Variants in INSC observed in about 807,000 individuals in gnomAD.
The protein encoded by INSC is INSC spindle orientation adaptor protein, also known as protein inscuteable homolog.
In INSC, 67 loss-of-function variants were observed where a neutral mutation model predicts 58.6. That is an observed-to-expected ratio of 1.14 (90% CI 0.94 to 1.40). INSC has a LOEUF of 1.40. INSC is among the 40% of genes most tolerant of loss of function. The probability of loss-of-function intolerance (pLI) is 0.00; values close to 1 mark genes in which losing one functional copy is unlikely to be tolerated. For synonymous variants in INSC, 262 were observed against 276.1 expected, an observed-to-expected ratio of 0.95 and a Z score of 0.51; for missense variants, 714 against 692.0, an observed-to-expected ratio of 1.03 and a Z score of -0.36.
At chr11:15,243,608 G>A (rs1852443185) in intron 12 of INSC, among the ~76,000 whole-genome samples, 1 of 152,114 alleles carries the variant, frequency 6.6e-6, no homozygotes, top group Admixed American at 6.5e-5. Flanking sequence ...TTCATGTCCT[G>A]TAGACTTTCT....
intron 5 of INSC, among the ~76,000 whole-genome samples, chr11:15,178,659 T>A (rs181097874): frequency 2.0e-5 from 3 of 152,292 alleles, no homozygotes; most frequent in East Asian, 3.9e-4. Flanking sequence ...CAACTCTGCA[T>A]TTTCCAGATG....
chr11:15,148,144 C>A (rs1000469458), intron 1 of INSC, among the ~76,000 whole-genome samples: 11 of 152,188 alleles, frequency 7.2e-5, no homozygotes, highest in African/African-American at 2.4e-5. Context: ...CCAGTTGCAT[C>A]CTCAGTGCTG....
At chr11:15,168,680 G>A (rs148795749) in intron 2 of INSC, among the ~76,000 whole-genome samples, 1 of 152,212 alleles carries the variant, frequency 6.6e-6, no homozygotes, top group African/African-American at 2.4e-5. Context: ...CTATTTTGTG[G>A]ATGAAGAAAT....
chr11:15,199,859 G>A (rs1327028274), intron 6 of INSC, among the ~76,000 whole-genome samples: 1 of 152,154 alleles, frequency 6.6e-6, no homozygotes, highest in Non-Finnish European at 1.5e-5. Context: ...TCCAATTCCT[G>A]CCACTCTAAA....
At chr11:15,123,103 C>A (rs1847912823) in intron 1 of INSC, among the ~76,000 whole-genome samples, 1 of 152,116 alleles carries the variant, frequency 6.6e-6, no homozygotes, top group Admixed American at 6.5e-5. Context: ...ATTTGCTGTT[C>A]CTCTGCTTAG....
Position 15,165,212 on chromosome 11 carries a change from A to G in INSC, c.57-10529A>G, listed in dbSNP as rs184057018. 2.7e-3 allele frequency among the ~76,000 whole-genome samples: 404 copies of G among 152,224 alleles called. 3 individuals are homozygous for G. Among genetic ancestry groups the G allele is most frequent in the African/African-American group, 8.7e-3 (360 of 41,536 alleles). ...AGTTTTCATGTGGGGGTTTGAAGAG[A>G]TTGGAAAAATATGCGCCACCACTGC... On this transcript the variant is annotated intron_variant, in intron 2 of 12. Coordinates refer to ENST00000379556, the MANE Select transcript of INSC (RefSeq NM_001042536.3).
intron 2 of INSC, among the ~76,000 whole-genome samples, chr11:15,157,741 T>A (rs1455033118): frequency 1.3e-5 from 2 of 152,160 alleles, no homozygotes; most frequent in Admixed American, 6.5e-5. Context: ...GGGCACTTAT[T>A]ATGTGGCGGC....
At chr11:15,217,446 G>A (rs886151372) in intron 7 of INSC, among the ~76,000 whole-genome samples, 2 of 152,158 alleles carry the variant, frequency 1.3e-5, no homozygotes, top group African/African-American at 4.8e-5. Flanking sequence ...GATAGAGGCA[G>A]GATTCAGACG....
At chr11:15,258,862 A>G in the INSC span, among the ~76,000 whole-genome samples, 15 of 152,216 alleles carry the variant, frequency 9.9e-5, no homozygotes, top group Middle Eastern at 3.4e-3. Flanking sequence ...CATCTAGGGT[A>G]TAATTAACAA....
At chr11:15,151,413 C>G (rs922175996) in intron 2 of INSC, among the ~76,000 whole-genome samples, 1 of 152,110 alleles carries the variant, frequency 6.6e-6, no homozygotes. Flanking sequence ...GTAATAATCT[C>G]TCTCCCTCCC....
chr11:15,227,688 G>A (rs1203596422), intron 9 of INSC, among the ~76,000 whole-genome samples: 2 of 152,188 alleles, frequency 1.3e-5, no homozygotes, highest in Admixed American at 6.5e-5. Context: ...TCCTGAGGGG[G>A]ACATGCCCCA....
At chr11:15,189,542 C>T (rs1312260268) in intron 5 of INSC, among the ~76,000 whole-genome samples, 1 of 152,146 alleles carries the variant, frequency 6.6e-6, no homozygotes, top group Admixed American at 6.6e-5. Flanking sequence ...CTTATTTTTA[C>T]ACCACTGTAT....
chr11:15,223,715 G>A (rs531595504), intron 8 of INSC, among the ~76,000 whole-genome samples: 1 of 152,216 alleles, frequency 6.6e-6, no homozygotes, highest in South Asian at 2.1e-4. Context: ...TGGATATAGG[G>A]AGGTGGCCTG....
At chr11:15,227,378 G>A (rs1448366108) in intron 9 of INSC, among the ~76,000 whole-genome samples, 1 of 152,196 alleles carries the variant, frequency 6.6e-6, no homozygotes, top group Non-Finnish European at 1.5e-5. Flanking sequence ...CAGGGTTATT[G>A]TGAGGGTGAG....
At chr11:15,148,470 T>C (rs1013639970) in intron 1 of INSC, among the ~76,000 whole-genome samples, 8 of 152,238 alleles carry the variant, frequency 5.3e-5, no homozygotes, top group African/African-American at 1.9e-4. Flanking sequence ...CTGCCTCATC[T>C]TGCAACTCTC....
At chr11:15,235,223 A>G in intron 9 of INSC, 1 of 270,132 alleles carries the variant, frequency 3.7e-6, no homozygotes, top group Non-Finnish European at 7.4e-6. Flanking sequence ...TGTCAGGAGG[A>G]CAAGCCAGCA....
chr11:15,125,851 T>G (rs1847982400), intron 1 of INSC, among the ~76,000 whole-genome samples: 1 of 151,980 alleles, frequency 6.6e-6, no homozygotes, highest in African/African-American at 2.4e-5. Flanking sequence ...TGTCAACACT[T>G]CAGTGTTTTA....
chr11:15,188,355 A>G, intron 5 of INSC: 1 of 985,456 alleles, frequency 1.0e-6, no homozygotes. Context: ...GCCTACATTA[A>G]AGGAGATGGA....
intron 1 of INSC, among the ~76,000 whole-genome samples, chr11:15,116,849 C>A (rs1479574056): frequency 5.5e-4 from 13 of 23,806 alleles, no homozygotes; most frequent in Non-Finnish European, 8.2e-4. Context: ...TTCTTTCTTT[C>A]TCTCTCTCTC....
Sources: gnomAD v4.1 joint callset for allele counts (sites outside exome capture counted in the v4.1 genomes callset) on GRCh38, gnomAD v4.1.1 for gene constraint, MANE v1.5 for transcripts, NCBI Gene and HGNC (gene_info 2026-07-23, HGNC 2026-07-21) for gene names.